The following BABAM2 variants were observed in gnomAD, a reference collection of about 807,000 sequenced individuals.
The protein encoded by BABAM2 is BRISC and BRCA1 A complex member 2, also known as BRISC and BRCA1-A complex member 2.
BABAM2 carries 31 observed loss-of-function variants against 54.7 expected under a neutral mutation model. The observed-to-expected ratio is 0.57, with a 90% CI of 0.43 to 0.77. The LOEUF (loss-of-function observed/expected upper bound fraction) is 0.77, where lower values mean the gene tolerates loss of function less well. Among genes scored for constraint, BABAM2 ranks in the 30% least tolerant of loss-of-function variants. The probability of loss-of-function intolerance (pLI) is 0.00; values close to 1 mark genes in which losing one functional copy is unlikely to be tolerated. For missense variants in BABAM2, 364 were observed against 455.8 expected (o/e 0.80, Z 1.83); for synonymous variants, 167 against 162.9 (o/e 1.03, Z -0.19).
At chr2:28,299,965 A>G (rs188232024) in intron 11 of BABAM2, among the ~76,000 whole-genome samples, 150 of 152,214 alleles carry the variant, frequency 9.9e-4, no homozygotes, top group African/African-American at 3.4e-3. Context: ...TTGCGACAGA[A>G]TCTTGCTCTG....
chr2:28,121,437 G>A (rs1669060515), intron 6 of BABAM2, among the ~76,000 whole-genome samples: 1 of 152,144 alleles, frequency 6.6e-6, no homozygotes, highest in Admixed American at 6.5e-5. Context: ...TATCTCTTCT[G>A]CTTAGATTTT....
chr2:27,916,624 CT>C (rs1666990833), intron 2 of BABAM2, among the ~76,000 whole-genome samples: 3 of 152,168 alleles, frequency 2.0e-5, no homozygotes, highest in Non-Finnish European at 4.4e-5. Flanking sequence ...AATGCATTCT[CT>C]TTCTTCTTAG....
Position 28,065,034 on chromosome 2 carries a change from G to A in BABAM2, c.570+19235G>A, listed in dbSNP as rs77682201. 1.9e-3 allele frequency among the ~76,000 whole-genome samples: 292 copies of A among 151,538 alleles called. 8 individuals carry two copies. The East Asian group carries it at 0.045, about 23-fold the overall frequency. ...AAAAAAAAAAGAACCATTTACTTGA[G>A]GGCACACAGCTGAAAGTTCAACTTC... On this transcript the variant is annotated intron_variant, in intron 6 of 11. Coordinates refer to ENST00000379624, the MANE Select transcript of BABAM2 (RefSeq NM_199191.3).
chr2:28,195,050 A>G (rs1677374621), intron 7 of BABAM2, among the ~76,000 whole-genome samples: 1 of 152,234 alleles, frequency 6.6e-6, no homozygotes, highest in Non-Finnish European at 1.5e-5. Flanking sequence ...GTGCTCTAGC[A>G]AGAAGACCAG....
At chr2:28,202,837 T>C (rs1237225113) in intron 7 of BABAM2, among the ~76,000 whole-genome samples, 2 of 152,188 alleles carry the variant, frequency 1.3e-5, no homozygotes, top group Non-Finnish European at 1.5e-5. Flanking sequence ...TGTAAAACAT[T>C]GCCACAAGGA....
chr2:28,323,851 CCTT>C (rs1690230007), intron 11 of BABAM2, among the ~76,000 whole-genome samples: 1 of 152,220 alleles, frequency 6.6e-6, no homozygotes, highest in South Asian at 2.1e-4. Flanking sequence ...CACACACCCT[CCTT>C]CTTGAACTTC....
At chr2:28,238,267 G>A (rs534316205) in intron 8 of BABAM2, among the ~76,000 whole-genome samples, 1 of 152,310 alleles carries the variant, frequency 6.6e-6, no homozygotes, top group Middle Eastern at 3.4e-3. Flanking sequence ...TCCAAAAAGT[G>A]TAAGAATATA....
intron 10 of BABAM2, among the ~76,000 whole-genome samples, chr2:28,259,186 C>G (rs1472589418): frequency 7.4e-6 from 1 of 135,228 alleles, no homozygotes; most frequent in Admixed American, 8.2e-5. Flanking sequence ...CTCCCAGGTT[C>G]AAGCAATTCG....
intron 7 of BABAM2, among the ~76,000 whole-genome samples, chr2:28,155,448 A>G (rs1194364944): frequency 1.3e-5 from 2 of 152,116 alleles, no homozygotes; most frequent in Admixed American, 1.3e-4. Flanking sequence ...TCATCTCCTT[A>G]TGGAGTACAC....
intron 7 of BABAM2, among the ~76,000 whole-genome samples, chr2:28,131,521 G>A (rs924050724): frequency 2.0e-5 from 3 of 152,100 alleles, no homozygotes; most frequent in Non-Finnish European, 4.4e-5. Flanking sequence ...CTCACCAGCT[G>A]TCACAAAATG....
intron 11 of BABAM2, chr2:28,308,715 A>G (rs1284975546): frequency 1.2e-5 from 3 of 241,764 alleles, no homozygotes; most frequent in South Asian, 5.4e-5. Flanking sequence ...TCTTTTCACC[A>G]TGTGTCTGAG....
intron 5 of BABAM2, among the ~76,000 whole-genome samples, chr2:28,028,731 T>C (rs1035329651): frequency 6.6e-6 from 1 of 152,192 alleles, no homozygotes; most frequent in Non-Finnish European, 1.5e-5. Flanking sequence ...TTAGGCTAAA[T>C]AACACTCCGG....
intron 3 of BABAM2, among the ~76,000 whole-genome samples, chr2:27,983,014 C>T (rs1382277842): frequency 5.3e-5 from 8 of 151,948 alleles, no homozygotes; most frequent in Admixed American, 2.0e-4. Flanking sequence ...CTTTTAGCTA[C>T]TTAGGGTATA....
At chr2:28,000,493 C>G (rs1558648021) in intron 4 of BABAM2, among the ~76,000 whole-genome samples, 1 of 152,124 alleles carries the variant, frequency 6.6e-6, no homozygotes, top group Non-Finnish European at 1.5e-5. Flanking sequence ...TGACTTTGCA[C>G]TATTGTTGAC....
At chr2:28,108,276 T>A (rs2148720530) in intron 6 of BABAM2, among the ~76,000 whole-genome samples, 1 of 152,210 alleles carries the variant, frequency 6.6e-6, no homozygotes, top group East Asian at 1.9e-4. Flanking sequence ...ATAAAATTTT[T>A]TGAGAACTTG....
rs539523988 is a variant in BABAM2, at chr2:28,031,995, A to AT, written c.495+6575_495+6576insT. On this transcript the variant is annotated intron_variant, in intron 5 of 11. Coordinates refer to ENST00000379624, the MANE Select transcript of BABAM2 (RefSeq NM_199191.3). ...AAATAAATGGATATTTTTTAATTAA[A>AT]ACATGAAAATAGTATATTCTCTAAA... Among the ~76,000 whole-genome samples the AT allele has an allele frequency of 3.1e-4, 47 of 152,366 alleles. 2 individuals are homozygous for AT. In the East Asian group the frequency reaches 8.9e-3, roughly 29 times the overall value.
chr2:28,277,658 T>C (rs774417346), intron 10 of BABAM2, among the ~76,000 whole-genome samples: 3 of 152,234 alleles, frequency 2.0e-5, no homozygotes, highest in Non-Finnish European at 2.9e-5. Flanking sequence ...CTGACTGTTT[T>C]GTTCCTCACC....
rs563956981 is a variant in BABAM2, at chr2:28,329,243, C to T, written c.1089-9207C>T. 5.3e-5 allele frequency among the ~76,000 whole-genome samples: 8 copies of T among 152,304 alleles called. No individual in the cohort carries two copies. The highest frequency in any genetic ancestry group is 1.9e-4 in the East Asian group (1 of 5,182). On this transcript the variant is annotated intron_variant, in intron 11 of 11. Transcript: ENST00000379624. This position sits in a 1 kb window ranked among gnomAD's most constrained non-coding sequence, Gnocchi z 4.2. ...GAGAGGAACAGGCCTTCATGTCCCCCGACAAAACTGTCTATGGCACTTTTT... is the reference window on the plus strand; with the variant it reads ...GAGAGGAACAGGCCTTCATGTCCCCTGACAAAACTGTCTATGGCACTTTTT...
intron 3 of BABAM2, among the ~76,000 whole-genome samples, chr2:27,983,579 T>A (rs1278165572): frequency 6.6e-6 from 1 of 152,114 alleles, no homozygotes; most frequent in Non-Finnish European, 1.5e-5. Flanking sequence ...GTAAGTCTTC[T>A]AGTTGACAAA....
Sources: gnomAD v4.1 joint callset for allele counts (sites outside exome capture counted in the v4.1 genomes callset) on GRCh38, gnomAD v4.1.1 for gene constraint, Gnocchi (gnomAD v3.1) non-coding constraint, MANE v1.5 for transcripts, NCBI Gene and HGNC (gene_info 2026-07-23, HGNC 2026-07-21) for gene names.